CNTNAP5: variants seen among roughly 807,000 people sequenced by gnomAD.
CNTNAP5 encodes the protein contactin associated protein family member 5, also known as contactin-associated protein-like 5.
A neutral mutation model predicts 150.2 loss-of-function variants in CNTNAP5; 72 were observed. That is an observed-to-expected ratio of 0.48 (90% CI 0.40 to 0.58). CNTNAP5 has a LOEUF of 0.58. Ranked by LOEUF, CNTNAP5 falls within the 20% of genes least tolerant of loss-of-function variation. The pLI is 0.00. For synonymous variants in CNTNAP5, 672 were observed against 619.8 expected, an observed-to-expected ratio of 1.08 and a Z score of -1.25; for missense variants, 1,636 against 1,626.2, an observed-to-expected ratio of 1.01 and a Z score of -0.10.
At chr2:124,448,194 G>T (rs989421690) in intron 6 of CNTNAP5, among the ~76,000 whole-genome samples, 1 of 151,908 alleles carries the variant, frequency 6.6e-6, no homozygotes, top group Non-Finnish European at 1.5e-5. Context: ...CTTGAACCTG[G>T]GAGGTGGTGC....
chr2:124,338,027 C>T (rs1316922082), intron 3 of CNTNAP5, among the ~76,000 whole-genome samples: 2 of 152,064 alleles, frequency 1.3e-5, no homozygotes, highest in Non-Finnish European at 2.9e-5. Flanking sequence ...TTGTTTGTAT[C>T]CTCTTTTATT....
At chr2:124,741,498 G>C in intron 13 of CNTNAP5, among the ~76,000 whole-genome samples, 1 of 152,160 alleles carries the variant, frequency 6.6e-6, no homozygotes, top group East Asian at 1.9e-4. Context: ...CAACTAACCT[G>C]TTTGAATTCT....
At chr2:124,829,794 G>A (rs760866824) in intron 19 of CNTNAP5, among the ~76,000 whole-genome samples, 21 of 151,738 alleles carry the variant, frequency 1.4e-4, no homozygotes, top group Non-Finnish European at 1.8e-4. Flanking sequence ...ACTTTGAATA[G>A]CCATGATTAA....
At chr2:124,122,803 T>A (rs1683598001) in intron 1 of CNTNAP5, among the ~76,000 whole-genome samples, 1 of 145,386 alleles carries the variant, frequency 6.9e-6, no homozygotes, top group Admixed American at 6.9e-5. Context: ...CCCACACCTT[T>A]TCCCAGCTAA....
intron 3 of CNTNAP5, among the ~76,000 whole-genome samples, chr2:124,353,934 A>G (rs1318284110): frequency 1.3e-5 from 2 of 152,216 alleles, no homozygotes; most frequent in Non-Finnish European, 2.9e-5. Flanking sequence ...TAGCCTGGAC[A>G]TTTGTCCAAG....
intron 13 of CNTNAP5, among the ~76,000 whole-genome samples, chr2:124,687,290 AG>A (rs923992470): frequency 6.6e-6 from 1 of 151,930 alleles, no homozygotes; most frequent in African/African-American, 2.4e-5. Context: ...AGTCTGGATT[AG>A]GTAGTGCAGG....
intron 3 of CNTNAP5, among the ~76,000 whole-genome samples, chr2:124,388,157 A>G (rs2104745246): frequency 6.6e-6 from 1 of 152,268 alleles, no homozygotes; most frequent in African/African-American, 2.4e-5. Flanking sequence ...TCAGATGAAC[A>G]TTTGTGAGCA....
intron 3 of CNTNAP5, among the ~76,000 whole-genome samples, chr2:124,385,882 C>A (rs1241132366): frequency 6.6e-6 from 1 of 152,170 alleles, no homozygotes; most frequent in Admixed American, 6.5e-5. Context: ...TGAGATAATA[C>A]ATTCATTCTT....
At chr2:124,451,253 A>C (rs1238431640) in intron 6 of CNTNAP5, among the ~76,000 whole-genome samples, 18 of 151,424 alleles carry the variant, frequency 1.2e-4, no homozygotes, top group Admixed American at 1.2e-3. Context: ...AAACAAACAA[A>C]AAATTAGATT....
chr2:124,713,243 C>CTTTTTCTTTCTT (rs1280851827), intron 13 of CNTNAP5, among the ~76,000 whole-genome samples: 5 of 65,164 alleles, frequency 7.7e-5, no homozygotes, highest in Non-Finnish European at 1.6e-4. Flanking sequence ...TTCTTTCTTT[C>CTTTTTCTTTCTT]TCTTTCTTTC....
intron 8 of CNTNAP5, among the ~76,000 whole-genome samples, chr2:124,521,971 G>T (rs767861569): frequency 5.3e-5 from 8 of 152,066 alleles, no homozygotes; most frequent in Non-Finnish European, 1.2e-4. Context: ...GAAGCCTCTG[G>T]GTTCTCTTCT....
At chr2:124,454,698 AG>A (rs1233565384) in intron 6 of CNTNAP5, among the ~76,000 whole-genome samples, 19 of 152,296 alleles carry the variant, frequency 1.2e-4, no homozygotes, top group African/African-American at 3.8e-4. Context: ...GCACTTGCTC[AG>A]AACATGGGGG....
Position 124,918,375 on chromosome 2 carries a change from T to A in CNTNAP5, c.*4087T>A, listed in dbSNP as rs546196225. Among the ~76,000 whole-genome samples, 101 of 152,170 alleles carry A rather than the reference T, an allele frequency of 6.6e-4. No individual in the cohort carries two copies. Among genetic ancestry groups the A allele is most frequent in the South Asian group, 1.0e-3 (5 of 4,824 alleles). On this transcript the variant is annotated 3_prime_UTR_variant, in exon 24 of 24. Transcript: ENST00000682447. Reference sequence around the variant, plus strand: ...TAACTGAAGTCTACCCTTCCATCAGTAATTGACTAAAAAAATGTTGTCCAT... The same window carrying A: ...TAACTGAAGTCTACCCTTCCATCAGAAATTGACTAAAAAAATGTTGTCCAT...
At chr2:124,065,304 A>C (rs1213947) in intron 1 of CNTNAP5, among the ~76,000 whole-genome samples, 115,610 of 152,080 alleles carry the variant, frequency 0.76, 44,205 homozygotes, top group Non-Finnish European at 0.78. Context: ...AAACAAGATA[A>C]ACATTAAAAA....
intron 4 of CNTNAP5, among the ~76,000 whole-genome samples, chr2:124,423,365 T>C (rs1692156211): frequency 6.6e-6 from 1 of 152,266 alleles, no homozygotes; most frequent in African/African-American, 2.4e-5. Context: ...ATCTCATCTG[T>C]ATGTCCAAGG....
At chr2:124,741,456 A>G (rs1680496150) in intron 13 of CNTNAP5, among the ~76,000 whole-genome samples, 1 of 152,206 alleles carries the variant, frequency 6.6e-6, no homozygotes, top group Non-Finnish European at 1.5e-5. Context: ...ATTATGTTCA[A>G]CAGCTCCCAA....
At chr2:124,622,481 T>C (rs1278481734) in intron 12 of CNTNAP5, among the ~76,000 whole-genome samples, 1 of 152,192 alleles carries the variant, frequency 6.6e-6, no homozygotes, top group Non-Finnish European at 1.5e-5. Context: ...TTTGGGTATA[T>C]AACCGGTAAC....
chr2:124,468,055 C>T (rs532556671), intron 6 of CNTNAP5, among the ~76,000 whole-genome samples: 6 of 152,066 alleles, frequency 3.9e-5, no homozygotes, highest in East Asian at 1.9e-4. Flanking sequence ...ATGCCATTCA[C>T]GAGTCCCACC....
At chr2:124,579,990 T>A (rs2104947849) in intron 11 of CNTNAP5, among the ~76,000 whole-genome samples, 1 of 152,322 alleles carries the variant, frequency 6.6e-6, no homozygotes, top group East Asian at 1.9e-4. Flanking sequence ...AGGAAATACA[T>A]AGATCCTAGA....
Sources: gnomAD v4.1 joint callset for allele counts (sites outside exome capture counted in the v4.1 genomes callset) on GRCh38, gnomAD v4.1.1 for gene constraint, MANE v1.5 for transcripts, NCBI Gene and HGNC (gene_info 2026-07-23, HGNC 2026-07-21) for gene names.